QSER1: variants seen among roughly 807,000 people sequenced by gnomAD.
QSER1 encodes the protein glutamine and serine rich 1.
Under a neutral mutation model 158.5 loss-of-function variants are expected in QSER1, and 49 were observed. That is an observed-to-expected ratio of 0.31 (90% confidence interval 0.25 to 0.39). The LOEUF (loss-of-function observed/expected upper bound fraction) is 0.39. Ranked by LOEUF, QSER1 falls within the 10% of genes least tolerant of loss-of-function variation. The probability of loss-of-function intolerance (pLI) is 1.00; values close to 1 mark genes in which losing one functional copy is unlikely to be tolerated. For missense variants in QSER1, 1,754 were observed against 2,010.3 expected (o/e 0.87, Z 2.44); for synonymous variants, 650 against 715.5 (o/e 0.91, Z 1.46).
At chr11:32,898,492 A>T (rs1378615245) in intron 1 of QSER1, among the ~76,000 whole-genome samples, 8 of 92,646 alleles carry the variant, frequency 8.6e-5, no homozygotes, top group East Asian at 7.6e-4. Flanking sequence ...TCACACACAC[A>T]CACACACACA....
chr11:32,917,838 A>AAC (rs1851854165), intron 1 of QSER1, among the ~76,000 whole-genome samples: 2 of 151,194 alleles, frequency 1.3e-5, no homozygotes, highest in South Asian at 4.2e-4. Context: ...AAAAAAAAAA[A>AAC]AAAAAACCAG....
At chr11:32,975,385 T>A in intron 12 of QSER1, 42 bp downstream of exon 12, 1 of 1,601,982 alleles carries the variant, frequency 6.2e-7, no homozygotes, top group Admixed American at 1.7e-5. Flanking sequence ...TTTTTCAGAA[T>A]GTTAAGGAGA....
At chr11:32,894,875 C>T (rs954525757) in intron 1 of QSER1, among the ~76,000 whole-genome samples, 5 of 152,182 alleles carry the variant, frequency 3.3e-5, no homozygotes, top group Admixed American at 6.5e-5. Flanking sequence ...CCCATTATTT[C>T]TTGCTGATGG....
chr11:32,897,330 GCA>G (rs1422851283), intron 1 of QSER1, among the ~76,000 whole-genome samples: 1 of 152,154 alleles, frequency 6.6e-6, no homozygotes, highest in East Asian at 1.9e-4. Context: ...CCAGTGTACT[GCA>G]CTGCTTTATT....
Position 32,892,868 on chromosome 11 carries a change from GCGAGTC to G in QSER1, c.-256_-251del, listed in dbSNP as rs1554922114. On this transcript the variant is annotated 5_prime_UTR_variant, in exon 1 of 13. Transcript: ENST00000650167. The stretch of plus-strand genomic sequence containing the variant: ...GGCCGCCGCCGCCGCCGCCGTCGCC[GCGAGTC>G]CCGGCCGCGGGTGCCTCCGCTTCCC... Among the ~76,000 whole-genome samples, 1 of 139,402 alleles carries G rather than the reference GCGAGTC, an allele frequency of 7.2e-6. No individual in the cohort carries two copies. Among genetic ancestry groups the G allele is most frequent in the Non-Finnish European group, 1.6e-5 (1 of 63,580 alleles). 91.5% of individuals were successfully genotyped at this position (139,402 alleles called of 152,430 possible). A position where few individuals can be genotyped will look rare whatever the true frequency, so the allele number is the denominator to read the frequency against.
At chr11:32,948,568 G>A (rs186736521) in intron 4 of QSER1, among the ~76,000 whole-genome samples, 3 of 152,212 alleles carry the variant, frequency 2.0e-5, no homozygotes, top group Admixed American at 2.0e-4. Flanking sequence ...GTTTGAGGGG[G>A]CAGTGAGCTG....
intron 10 of QSER1, among the ~76,000 whole-genome samples, chr11:32,971,565 A>G (rs1852857063): frequency 6.6e-6 from 1 of 152,202 alleles, no homozygotes; most frequent in Admixed American, 6.5e-5. Context: ...TCTGGATCCA[A>G]AAATTGTCAA....
At chr11:32,915,802 A>G (rs1851823235) in intron 1 of QSER1, among the ~76,000 whole-genome samples, 1 of 152,240 alleles carries the variant, frequency 6.6e-6, no homozygotes, top group African/African-American at 2.4e-5. Flanking sequence ...TGGGCCAACC[A>G]TAAAAGATTG....
chr11:32,904,045 T>C (rs1851658557), intron 1 of QSER1, among the ~76,000 whole-genome samples: 1 of 152,232 alleles, frequency 6.6e-6, no homozygotes, highest in African/African-American at 2.4e-5. Flanking sequence ...CTGCTTCTGG[T>C]GTTTTAATTT....
At chr11:32,967,228 T>C (rs1852765441) in intron 9 of QSER1, among the ~76,000 whole-genome samples, 2 of 152,198 alleles carry the variant, frequency 1.3e-5, no homozygotes, top group South Asian at 4.1e-4. Flanking sequence ...AACTCAGGAA[T>C]GGAGAACCAA....
chr11:32,961,325 A>G (rs916648313), intron 8 of QSER1, among the ~76,000 whole-genome samples: 2 of 152,190 alleles, frequency 1.3e-5, no homozygotes, highest in African/African-American at 4.8e-5. Flanking sequence ...ATGCTATTAC[A>G]TTAAAATCTA....
At chr11:32,929,380 C>A (rs1451981632) in intron 3 of QSER1, among the ~76,000 whole-genome samples, 1 of 152,136 alleles carries the variant, frequency 6.6e-6, no homozygotes, top group Non-Finnish European at 1.5e-5. Context: ...CCAAAAGCGA[C>A]CGGCCTAGGA....
chr11:32,958,219 T>G, intron 8 of QSER1, 133 bp downstream of exon 8: 1 of 776,516 alleles, frequency 1.3e-6, no homozygotes, highest in Non-Finnish European at 2.0e-6. Context: ...CTGTTTAGGT[T>G]TTTATGAAAG....
At chr11:32,958,110 C>G in intron 8 of QSER1, 24 bp downstream of exon 8, 1 of 1,569,218 alleles carries the variant, frequency 6.4e-7, no homozygotes, top group Non-Finnish European at 8.8e-7. Context: ...GAAATGGCTA[C>G]CCTGATAACT....
In QSER1 at chr11:32,949,536, A is replaced by C. The variant is rs116701930; in HGVS notation, c.4178-4321A>C. On this transcript the variant is annotated intron_variant, in intron 4 of 12. Coordinates refer to ENST00000650167, the MANE Select transcript of QSER1 (RefSeq NM_001076786.3). ...GAGTTTTACATTTAATACTTGTCAA[A>C]ATGTGAAAAGATAGTATAATTTGGA... Among the ~76,000 whole-genome samples the C allele has an allele frequency of 6.0e-3, 919 of 152,314 alleles. 9 individuals carry two copies. Among genetic ancestry groups the C allele is most frequent in the African/African-American group, 0.021 (884 of 41,570 alleles).
At chr11:32,914,928 GT>G (rs1005594927) in intron 1 of QSER1, among the ~76,000 whole-genome samples, 7 of 152,052 alleles carry the variant, frequency 4.6e-5, no homozygotes, top group Non-Finnish European at 1.0e-4. Flanking sequence ...TGTTGTTGTT[GT>G]TTTTTGTTTT....
rs1454612335 is a variant in QSER1 at position 32,956,034 on chromosome 11, A to C, written c.4664A>C (p.Tyr1555Ser). ...GDAKSKYKRI[Y>S]VKFIENANKK... ...GCAAAGAGTAAATACAAAAGAATAT[A>C]TGTGAAGTTCATTGAAAATGCAAAC... Residue 1555 changes from tyrosine to serine, a missense_variant, in exon 7 of 13, where the codon TAT becomes TCT. Physicochemically the swap from Tyr to Ser is moderately radical, Grantham distance 144. Transcript: ENST00000650167. 2 of 1,608,124 alleles carry C rather than the reference A, an allele frequency of 1.2e-6. No homozygotes were observed. The highest frequency in any genetic ancestry group is 1.1e-5 in the South Asian group (1 of 90,908).
At chr11:32,913,260 G>A (rs998149035) in intron 1 of QSER1, among the ~76,000 whole-genome samples, 3 of 137,836 alleles carry the variant, frequency 2.2e-5, no homozygotes, top group East Asian at 4.3e-4. Context: ...GCGCGATCTC[G>A]GCTCACTGCA....
chr11:32,924,538 TG>T (rs1851941959), intron 1 of QSER1, among the ~76,000 whole-genome samples: 1 of 131,068 alleles, frequency 7.6e-6, no homozygotes, highest in Non-Finnish European at 1.6e-5. Context: ...TGAGGTTGGG[TG>T]ACCGGAGTGA....
Sources: gnomAD v4.1 joint callset for allele counts (sites outside exome capture counted in the v4.1 genomes callset) on GRCh38, gnomAD v4.1.1 for gene constraint, MANE v1.5 for transcripts, NCBI Gene and HGNC (gene_info 2026-07-23, HGNC 2026-07-21) for gene names.